MAP7D2: variants seen among roughly 807,000 people sequenced by gnomAD.
MAP7D2 encodes MAP7 domain-containing protein 2.
A neutral mutation model predicts 63.5 loss-of-function variants in MAP7D2; 33 were observed. The observed-to-expected ratio is 0.52, with a 90% CI of 0.39 to 0.70. MAP7D2 has a LOEUF of 0.70. MAP7D2 is among the 30% of genes least tolerant of loss of function. The probability of loss-of-function intolerance (pLI) is 0.00; values close to 1 mark genes in which losing one functional copy is unlikely to be tolerated. For synonymous variants in MAP7D2, 224 were observed against 223.7 expected, an observed-to-expected ratio of 1.00 and a Z score of -0.01; for missense variants, 626 against 604.0, an observed-to-expected ratio of 1.04 and a Z score of -0.38.
At position 20,087,879 on chromosome X, in the gene MAP7D2, C is replaced by CTTTTTTTTTT. The variant is rs539620594; in HGVS notation, c.131-23084_131-23075dup. Among the ~76,000 whole-genome samples the CTTTTTTTTTT allele has an allele frequency of 3.8e-4, 20 of 52,860 alleles. 2 individuals are homozygous for CTTTTTTTTTT. The highest frequency in any genetic ancestry group is 1.5e-3 in the African/African-American group (17 of 11,508). The allele number at this position is 52,860 out of a possible 115,157, so 45.9% of individuals were successfully genotyped here. On this transcript the variant is annotated intron_variant, in intron 1 of 16. Coordinates refer to ENST00000379643, the MANE Select transcript of MAP7D2 (RefSeq NM_001168465.2). ...ATGGATCCAGCAACTAATTTCTTTTCTTTTTTTTTTTTTTTTTTTTTTTTT... is the reference window on the plus strand; with the variant it reads ...ATGGATCCAGCAACTAATTTCTTTTCTTTTTTTTTTTTTTTTTTTTTTTTTTTTTTTTTTT...
chrX:20,111,944 G>A (rs979124692), intron 1 of MAP7D2, among the ~76,000 whole-genome samples: 4 of 110,976 alleles, frequency 3.6e-5, no homozygotes, highest in East Asian at 2.8e-4. Flanking sequence ...CTAATTTTTC[G>A]TATTTTTTGT....
Position 20,056,730 on chromosome X carries a change from T to C in MAP7D2, c.434A>G (p.Lys145Arg). The C allele has an allele frequency of 8.3e-7, 1 of 1,211,626 alleles. No individual in the cohort carries two copies. Among genetic ancestry groups the C allele is most frequent in the South Asian group, 1.8e-5 (1 of 56,975 alleles). ...LERTQQLELK[K>R]KYSWGAPLAI... is the part of the protein sequence containing the mutation. ...CAGTGGTGCTCCCCACGAATACTTCTTTTTCAGCTCCAGCTGCTGTGTGCG... is the reference window on the plus strand; with the variant it reads ...CAGTGGTGCTCCCCACGAATACTTCCTTTTCAGCTCCAGCTGCTGTGTGCG... The change falls in exon 4 of 17, where the codon AAG becomes AGG. Residue 145 changes from lysine to arginine, a missense_variant. Transcript: ENST00000379643.
At chrX:20,091,499 T>C (rs2066070133) in intron 1 of MAP7D2, among the ~76,000 whole-genome samples, 1 of 109,660 alleles carries the variant, frequency 9.1e-6, no homozygotes, top group Non-Finnish European at 1.9e-5. Flanking sequence ...GTGAAATCTC[T>C]TCTCAACTAA....
chrX:20,102,344 A>G (rs2066455340), intron 1 of MAP7D2, among the ~76,000 whole-genome samples: 1 of 111,422 alleles, frequency 9.0e-6, no homozygotes, highest in Non-Finnish European at 1.9e-5. Flanking sequence ...TGAAAGATGA[A>G]CAGGGTAGAC....
chrX:20,092,818 AC>A (rs1217376980), intron 1 of MAP7D2, among the ~76,000 whole-genome samples: 1 of 112,670 alleles, frequency 8.9e-6, no homozygotes, highest in Non-Finnish European at 1.9e-5. Flanking sequence ...ATATTTTCAG[AC>A]TGTAATTTGT....
intron 4 of MAP7D2, among the ~76,000 whole-genome samples, chrX:20,056,148 C>T (rs924293133): frequency 5.4e-5 from 6 of 111,688 alleles, no homozygotes; most frequent in African/African-American, 2.0e-4. Context: ...AGACTAGTAA[C>T]AATCCATATA....
intron 1 of MAP7D2, among the ~76,000 whole-genome samples, chrX:20,082,677 G>A (rs2065806553): frequency 8.9e-6 from 1 of 112,208 alleles, no homozygotes; most frequent in South Asian, 3.7e-4. Flanking sequence ...TGTCGGGGCT[G>A]CAGTGCAATG....
intron 14 of MAP7D2, 63 bp downstream of exon 14, chrX:20,012,991 C>T: frequency 2.0e-6 from 2 of 985,208 alleles, no homozygotes; most frequent in South Asian, 4.0e-5. Context: ...GTTTACCCTA[C>T]ACCAAGTCTT....
chrX:20,081,144 C>T (rs779674902), intron 1 of MAP7D2, among the ~76,000 whole-genome samples: 2 of 112,064 alleles, frequency 1.8e-5, no homozygotes, highest in Admixed American at 1.9e-4. Context: ...AAACTGTGGA[C>T]AGAACCCAGC....
At chrX:20,030,375 C>T (rs2074009594) in intron 8 of MAP7D2, among the ~76,000 whole-genome samples, 1 of 111,633 alleles carries the variant, frequency 9.0e-6, no homozygotes, top group African/African-American at 3.3e-5. Flanking sequence ...TTTTAAGGTC[C>T]AATAAAAATA....
intron 1 of MAP7D2, among the ~76,000 whole-genome samples, chrX:20,092,987 C>G (rs2066109608): frequency 8.9e-6 from 1 of 111,933 alleles, no homozygotes; most frequent in Admixed American, 9.5e-5. Context: ...AATCTCAGTT[C>G]ATTGCTCCCC....
chrX:20,116,514 C>A (rs1419424415), intron 1 of MAP7D2: 5 of 877,901 alleles, frequency 5.7e-6, no homozygotes, highest in Non-Finnish European at 7.0e-6. Flanking sequence ...AGCCACCCCC[C>A]ATGTGTACCC....
In MAP7D2 at chrX:20,020,485, CCCAAGA is replaced by C. The variant is rs1357164664; in HGVS notation, c.1413-4166_1413-4161del. Among the ~76,000 whole-genome samples the C allele has an allele frequency of 6.3e-5, 7 of 111,819 alleles. No homozygotes were observed. In the Admixed American group the frequency reaches 6.6e-4, roughly 11 times the overall value. ...CAAAATCTCTTTTCATCTCCTAAAT[CCCAAGA>C]CCAACAGCCTTCGTCTTTGATAAGC... On this transcript the variant is annotated intron_variant, in intron 10 of 16. Coordinates refer to ENST00000379643, the MANE Select transcript of MAP7D2 (RefSeq NM_001168465.2).
chrX:20,050,726 A>C, intron 6 of MAP7D2, 98 bp downstream of exon 6: 1 of 973,561 alleles, frequency 1.0e-6, no homozygotes, highest in East Asian at 3.5e-5. Flanking sequence ...CAAAGCCAGC[A>C]AATAGGAAGC....
chrX:20,066,794 T>C (rs1314664771), intron 1 of MAP7D2, among the ~76,000 whole-genome samples: 1 of 111,230 alleles, frequency 9.0e-6, no homozygotes, highest in Non-Finnish European at 1.9e-5. Flanking sequence ...TGCTCCCACA[T>C]GGTTTGAGGA....
At chrX:20,063,609 TAC>T (rs769406087) in intron 2 of MAP7D2, 32 bp from the exon 3 acceptor site, 1 of 1,194,924 alleles carries the variant, frequency 8.4e-7, no homozygotes, top group African/African-American at 1.7e-5. Flanking sequence ...GAGGTGTCAT[TAC>T]CAGAGCATCC....
intron 2 of MAP7D2, 66 bp from the exon 3 acceptor site, chrX:20,063,643 A>G (rs774022786): frequency 5.2e-5 from 58 of 1,105,689 alleles, no homozygotes; most frequent in Non-Finnish European, 6.6e-5. Context: ...GATTAAGACC[A>G]AAAACAAGGA....
rs753838130 is a variant in MAP7D2 at position 20,044,497 on chromosome X, G to A, written c.746C>T (p.Pro249Leu). ...GTAAGAAGGGTTAAGAGGGCCAAGA[G>A]GAGCTAAACGAGGACAGACATGGAA... The part of the protein sequence containing the change: ...SVFHVCPRLA[P>L]LGPLNPSYKS... Residue 249 changes from proline (P) to leucine (L), a missense_variant, in exon 7 of 17, where the codon CCT (proline) becomes CTT (leucine). Pro to Leu is a moderately conservative substitution (Grantham distance 98). Transcript: ENST00000379643. The A allele has an allele frequency of 8.3e-7, 1 of 1,210,545 alleles. No individual in the cohort carries two copies. Among genetic ancestry groups the A allele is most frequent in the South Asian group, 1.8e-5 (1 of 56,913 alleles).
intron 7 of MAP7D2, 114 bp from the exon 8 acceptor site, chrX:20,042,743 A>T (rs1210406078): frequency 7.7e-6 from 7 of 910,301 alleles, no homozygotes; most frequent in Non-Finnish European, 1.1e-5. Flanking sequence ...ATCGATATGA[A>T]GCTATAACGC....
Sources: gnomAD v4.1 joint callset for allele counts (sites outside exome capture counted in the v4.1 genomes callset) on GRCh38, gnomAD v4.1.1 for gene constraint, MANE v1.5 for transcripts, NCBI Gene and HGNC (gene_info 2026-07-23, HGNC 2026-07-21) for gene names.